The following NRG1 variants were observed in gnomAD, a reference collection of about 807,000 sequenced individuals.
The protein encoded by NRG1 is pro-neuregulin-1, membrane-bound isoform.
NRG1 carries 18 observed loss-of-function variants against 63.8 expected under a neutral mutation model. The observed-to-expected ratio is 0.28, with a 90% CI of 0.19 to 0.42. The LOEUF (loss-of-function observed/expected upper bound fraction) is 0.42, where lower values mean the gene tolerates loss of function less well. Among genes scored for constraint, NRG1 ranks in the 10% least tolerant of loss-of-function variants. The pLI, the probability that NRG1 is intolerant of heterozygous loss-of-function variation, is 1.00. For synonymous variants in NRG1, 302 were observed against 301.3 expected (o/e 1.00, Z -0.02); for missense variants, 762 against 814.7 (o/e 0.94, Z 0.79).
At chr8:31,693,264 G>GAA (rs1809717326) in intron 1 of NRG1, among the ~76,000 whole-genome samples, 2 of 152,236 alleles carry the variant, frequency 1.3e-5, no homozygotes, top group South Asian at 4.1e-4. Flanking sequence ...TTTACGATAA[G>GAA]AAAATTCTAT....
chr8:31,847,140 T>C (rs528930031), intron 1 of NRG1, among the ~76,000 whole-genome samples: 3 of 152,360 alleles, frequency 2.0e-5, no homozygotes, highest in African/African-American at 7.2e-5. Flanking sequence ...CAATATGGAA[T>C]AACTTTGACT....
rs550541146 is a variant in NRG1, at chr8:32,692,005, TTCTAA to T, written c.503-35938_503-35934del. ...AACATCCACCATATATATAAGACTGTTCTAATCTAAACTCAATAAACCTTTAAGGT... is the reference window on the plus strand; with the variant it reads ...AACATCCACCATATATATAAGACTGTTCTAAACTCAATAAACCTTTAAGGT... On this transcript the variant is annotated intron_variant, in intron 5 of 11. Transcript: ENST00000356819. Among the ~76,000 whole-genome samples the T allele has an allele frequency of 3.0e-3, 456 of 152,348 alleles. 3 individuals carry two copies. The highest frequency in any genetic ancestry group is 5.7e-3 in the Non-Finnish European group (388 of 68,034).
intron 1 of NRG1, among the ~76,000 whole-genome samples, chr8:32,030,810 G>A (rs1012815520): frequency 3.3e-5 from 5 of 152,050 alleles, no homozygotes; most frequent in Admixed American, 1.3e-4. Context: ...GCAGGGAGAC[G>A]GGTCAAACAA....
At chr8:32,567,382 C>A (rs1837649881) in intron 1 of NRG1, among the ~76,000 whole-genome samples, 1 of 152,148 alleles carries the variant, frequency 6.6e-6, no homozygotes, top group South Asian at 2.1e-4. Flanking sequence ...TGGTTGCTAC[C>A]AAGTTTACAA....
At chr8:31,852,370 C>G (rs1827333168) in intron 1 of NRG1, among the ~76,000 whole-genome samples, 1 of 151,834 alleles carries the variant, frequency 6.6e-6, no homozygotes, top group South Asian at 2.1e-4. Context: ...TGATGGTGAG[C>G]ATTTTTTCAT....
chr8:32,689,074 T>A (rs984230200), intron 5 of NRG1, among the ~76,000 whole-genome samples: 2 of 152,148 alleles, frequency 1.3e-5, no homozygotes, highest in African/African-American at 4.8e-5. Context: ...GGGGTTGATA[T>A]GACTAAAAAG....
At chr8:32,514,707 T>C (rs1314626058) in intron 1 of NRG1, among the ~76,000 whole-genome samples, 1 of 152,178 alleles carries the variant, frequency 6.6e-6, no homozygotes, top group Non-Finnish European at 1.5e-5. Context: ...GGTGGATTAC[T>C]GCTGAAGCTT....
intron 6 of NRG1, among the ~76,000 whole-genome samples, chr8:32,729,049 C>G (rs1822983817): frequency 6.6e-6 from 1 of 152,072 alleles, no homozygotes; most frequent in South Asian, 2.1e-4. Flanking sequence ...GCCTGGGTGA[C>G]AGAGCGAGAC....
intron 1 of NRG1, among the ~76,000 whole-genome samples, chr8:32,155,060 A>G (rs995773109): frequency 1.3e-5 from 2 of 152,188 alleles, no homozygotes; most frequent in Admixed American, 6.5e-5. Flanking sequence ...TTGTTCCACA[A>G]TACTTTTTGC....
chr8:32,436,191 G>A (rs540100928), intron 1 of NRG1, among the ~76,000 whole-genome samples: 5 of 152,242 alleles, frequency 3.3e-5, no homozygotes, highest in African/African-American at 1.2e-4. Context: ...GAGAATGAGA[G>A]CAAAGCAAAA....
chr8:31,722,953 G>GA (rs1001406027), intron 1 of NRG1, among the ~76,000 whole-genome samples: 2 of 151,936 alleles, frequency 1.3e-5, no homozygotes, highest in Non-Finnish European at 2.9e-5. Context: ...TCATAGTGTT[G>GA]AAAAAATTCA....
chr8:32,529,704 G>T (rs963524878), intron 1 of NRG1, among the ~76,000 whole-genome samples: 1 of 152,086 alleles, frequency 6.6e-6, no homozygotes, highest in Admixed American at 6.6e-5. Context: ...ACAGGATCAG[G>T]ATAATCAATA....
At chr8:32,593,797 C>T (rs778465416) in intron 1 of NRG1, among the ~76,000 whole-genome samples, 2 of 148,574 alleles carry the variant, frequency 1.3e-5, no homozygotes, top group African/African-American at 2.5e-5. Flanking sequence ...GATTCATGAA[C>T]CACATTTTAA....
intron 1 of NRG1, among the ~76,000 whole-genome samples, chr8:32,254,114 T>C (rs1365491627): frequency 6.6e-6 from 1 of 152,110 alleles, no homozygotes; most frequent in Admixed American, 6.5e-5. Context: ...GTGGTCTATC[T>C]ATTTTTTAAT....
intron 1 of NRG1, among the ~76,000 whole-genome samples, chr8:31,885,950 G>A (rs200645410): frequency 6.6e-6 from 1 of 152,012 alleles, no homozygotes; most frequent in Non-Finnish European, 1.5e-5. Context: ...ACCAATAGAG[G>A]TGTACACATA....
chr8:31,961,495 A>G (rs1264892843), intron 1 of NRG1, among the ~76,000 whole-genome samples: 1 of 152,204 alleles, frequency 6.6e-6, no homozygotes, highest in East Asian at 1.9e-4. Context: ...TACCTGAAAT[A>G]CTTGTTAGAA....
intron 1 of NRG1, among the ~76,000 whole-genome samples, chr8:32,363,960 GA>G (rs1807587444): frequency 6.6e-6 from 1 of 150,638 alleles, no homozygotes; most frequent in Admixed American, 6.6e-5. Context: ...TTGTAGAAGT[GA>G]ACACTAAAAA....
intron 1 of NRG1, among the ~76,000 whole-genome samples, chr8:31,991,378 C>CTTCTTCTGCT (rs1554594927): frequency 3.3e-5 from 5 of 149,262 alleles, no homozygotes; most frequent in African/African-American, 5.0e-5. Context: ...CCTCCTCCTC[C>CTTCTTCTGCT]TCTTCTTCTG....
intron 1 of NRG1, among the ~76,000 whole-genome samples, chr8:31,672,194 T>C (rs1028784532): frequency 6.6e-6 from 1 of 152,132 alleles, no homozygotes; most frequent in East Asian, 1.9e-4. Context: ...GAATGTTTCC[T>C]ACCTCAGCAA....
Sources: allele counts gnomAD v4.1 joint callset (sites outside exome capture counted in the v4.1 genomes callset), GRCh38; gene constraint gnomAD v4.1.1; transcripts MANE v1.5; gene names NCBI Gene and HGNC (gene_info 2026-07-23, HGNC 2026-07-21).